CNTNAP4: variants seen among roughly 807,000 people sequenced by gnomAD.
CNTNAP4 encodes the protein contactin-associated protein-like 4.
A neutral mutation model predicts 148.4 loss-of-function variants in CNTNAP4; 98 were observed. The observed-to-expected ratio is 0.66, with a 90% CI of 0.56 to 0.78. The LOEUF is 0.78. CNTNAP4 is among the 30% of genes least tolerant of loss of function. The probability of loss-of-function intolerance (pLI) is 0.00; values close to 1 mark genes in which losing one functional copy is unlikely to be tolerated. For synonymous variants in CNTNAP4, 730 were observed against 565.1 expected (o/e 1.29, Z -4.14); for missense variants, 1,935 against 1,565.6 (o/e 1.24, Z -3.98).
intron 3 of CNTNAP4, among the ~76,000 whole-genome samples, chr16:76,362,902 T>C (rs1250073417): frequency 2.0e-5 from 3 of 151,844 alleles, no homozygotes; most frequent in African/African-American, 7.3e-5. Context: ...GAACCTAAAA[T>C]AGAAGTTAAT....
chr16:76,308,146 ATGAC>A (rs1389927290), intron 1 of CNTNAP4, among the ~76,000 whole-genome samples: 1 of 152,184 alleles, frequency 6.6e-6, no homozygotes, highest in Non-Finnish European at 1.5e-5. Flanking sequence ...ATTTAAGCCA[ATGAC>A]TGACAGAATT....
At chr16:76,317,887 T>G (rs1961970689) in intron 2 of CNTNAP4, among the ~76,000 whole-genome samples, 1 of 152,232 alleles carries the variant, frequency 6.6e-6, no homozygotes, top group Non-Finnish European at 1.5e-5. Context: ...CTTCTGAATG[T>G]GAAGGTATCA....
At chr16:76,436,100 T>C (rs1052735136) in intron 4 of CNTNAP4, among the ~76,000 whole-genome samples, 1 of 152,094 alleles carries the variant, frequency 6.6e-6, no homozygotes, top group African/African-American at 2.4e-5. Context: ...GTGTTGGGGT[T>C]GGTTCCTCAG....
intron 9 of CNTNAP4, among the ~76,000 whole-genome samples, chr16:76,463,659 A>G (rs1308155483): frequency 1.3e-5 from 2 of 152,150 alleles, no homozygotes; most frequent in Non-Finnish European, 1.5e-5. Flanking sequence ...TACATAATAT[A>G]CACATTTTAA....
At chr16:76,478,403 A>G (rs1055106579) in intron 11 of CNTNAP4, among the ~76,000 whole-genome samples, 2 of 152,226 alleles carry the variant, frequency 1.3e-5, no homozygotes, top group South Asian at 4.1e-4. Context: ...TATTATAGGA[A>G]CAAAATAAAA....
intron 3 of CNTNAP4, among the ~76,000 whole-genome samples, chr16:76,399,127 C>T (rs945337670): frequency 4.6e-5 from 7 of 152,096 alleles, no homozygotes; most frequent in Admixed American, 2.6e-4. Flanking sequence ...GTGAGGCCTC[C>T]CCAGCCATGT....
intron 2 of CNTNAP4, among the ~76,000 whole-genome samples, chr16:76,317,294 C>G (rs76907266): frequency 1.5e-5 from 2 of 131,100 alleles, no homozygotes; most frequent in African/African-American, 3.1e-5. Flanking sequence ...AAAAAAAACC[C>G]AAAAAACCCC....
intron 1 of CNTNAP4, among the ~76,000 whole-genome samples, chr16:76,279,558 T>C (rs182233894): frequency 6.6e-6 from 1 of 152,330 alleles, no homozygotes; most frequent in East Asian, 1.9e-4. Flanking sequence ...GCTGGTTCTA[T>C]ATTCTTTCAG....
chr16:76,540,600 C>A, intron 20 of CNTNAP4, 103 bp from the exon 21 acceptor site: 1 of 743,752 alleles, frequency 1.3e-6, no homozygotes, highest in Non-Finnish European at 2.1e-6. Context: ...GCCATGCTAA[C>A]AACTGCTTAA....
At chr16:76,339,126 T>C (rs1299799680) in intron 2 of CNTNAP4, among the ~76,000 whole-genome samples, 2 of 152,116 alleles carry the variant, frequency 1.3e-5, no homozygotes, top group Non-Finnish European at 2.9e-5. Context: ...AATATGCGAT[T>C]AGGGAGATAC....
chr16:76,479,351 A>G, intron 11 of CNTNAP4, 68 bp from the exon 12 acceptor site: 1 of 1,383,186 alleles, frequency 7.2e-7, no homozygotes, highest in Admixed American at 2.3e-5. Flanking sequence ...GCGGTATTTC[A>G]TGTCCAAATT....
chr16:76,506,641 T>C (rs1347620357), intron 15 of CNTNAP4, among the ~76,000 whole-genome samples: 1 of 93,544 alleles, frequency 1.1e-5, no homozygotes, highest in Non-Finnish European at 3.0e-5. Flanking sequence ...CAGTTAATTT[T>C]TGTGTTTTTA....
At chr16:76,457,976 C>A (rs969255773) in intron 8 of CNTNAP4, among the ~76,000 whole-genome samples, 1 of 151,960 alleles carries the variant, frequency 6.6e-6, no homozygotes, top group Non-Finnish European at 1.5e-5. Flanking sequence ...GTTCCCAGTG[C>A]CTGTTTTTCC....
intron 12 of CNTNAP4, among the ~76,000 whole-genome samples, chr16:76,480,239 A>T: frequency 6.6e-6 from 1 of 152,332 alleles, no homozygotes; most frequent in Non-Finnish European, 1.5e-5. Flanking sequence ...AACAATTTAC[A>T]GATAAACTAT....
intron 21 of CNTNAP4, 47 bp from the exon 22 acceptor site, chr16:76,553,236 T>C: frequency 6.6e-6 from 8 of 1,215,472 alleles, no homozygotes; most frequent in Non-Finnish European, 9.5e-6. Flanking sequence ...TCATCGCCTA[T>C]TTTCACTTTT....
chr16:76,474,083 C>G (rs1176462035), intron 10 of CNTNAP4, among the ~76,000 whole-genome samples: 1 of 152,162 alleles, frequency 6.6e-6, no homozygotes, highest in Non-Finnish European at 1.5e-5. Flanking sequence ...AGGGGCTTAG[C>G]TACAAATAAC....
At chr16:76,468,795 G>A (rs1010224623) in intron 10 of CNTNAP4, among the ~76,000 whole-genome samples, 1 of 152,236 alleles carries the variant, frequency 6.6e-6, no homozygotes. Flanking sequence ...GAAACCTGTG[G>A]TTAGGCATGA....
At chr16:76,540,944 A>C (rs907670048) in intron 21 of CNTNAP4, among the ~76,000 whole-genome samples, 154 bp downstream of exon 21, 1 of 152,186 alleles carries the variant, frequency 6.6e-6, no homozygotes, top group Admixed American at 6.6e-5. Context: ...AGACAGAGGC[A>C]TATGCAGGCA....
At chr16:76,487,048 G>C (rs1489486752) in intron 12 of CNTNAP4, among the ~76,000 whole-genome samples, 2 of 152,144 alleles carry the variant, frequency 1.3e-5, no homozygotes, top group Non-Finnish European at 1.5e-5. Flanking sequence ...CTGTGTATTG[G>C]CAAGATAACT....
Sources: allele counts gnomAD v4.1 joint callset (sites outside exome capture counted in the v4.1 genomes callset), GRCh38; gene constraint gnomAD v4.1.1; transcripts MANE v1.5; gene names NCBI Gene and HGNC (gene_info 2026-07-23, HGNC 2026-07-21).